Variants in DLGAP1 observed in about 807,000 individuals in gnomAD.
The protein encoded by DLGAP1 is disks large-associated protein 1.
Under a neutral mutation model 90.8 loss-of-function variants are expected in DLGAP1, and 11 were observed. That is an observed-to-expected ratio of 0.12 (90% CI 0.08 to 0.20). DLGAP1 has a LOEUF of 0.20. DLGAP1 is among the 10% of genes least tolerant of loss of function. The pLI is 1.00. For synonymous variants in DLGAP1, 558 were observed against 540.7 expected, an observed-to-expected ratio of 1.03 and a Z score of -0.44; for missense variants, 1,050 against 1,333.8, an observed-to-expected ratio of 0.79 and a Z score of 3.31.
chr18:3,805,382 T>C (rs917271386), intron 5 of DLGAP1, among the ~76,000 whole-genome samples: 1 of 152,208 alleles, frequency 6.6e-6, no homozygotes, highest in Non-Finnish European at 1.5e-5. Context: ...GATTCAGAGA[T>C]AATTTTTTAG....
chr18:3,628,739 C>T (rs776659843), intron 7 of DLGAP1, among the ~76,000 whole-genome samples: 9 of 152,166 alleles, frequency 5.9e-5, no homozygotes, highest in Non-Finnish European at 1.2e-4. Flanking sequence ...AAGCTTACTA[C>T]ATATATGTAT....
intron 1 of DLGAP1, among the ~76,000 whole-genome samples, chr18:4,229,833 GAACA>G (rs766480005): frequency 1.6e-4 from 25 of 151,958 alleles, no homozygotes; most frequent in Non-Finnish European, 3.4e-4. Flanking sequence ...ACAGCAAAGG[GAACA>G]ATCAACAAAG....
At chr18:3,600,735 T>G (rs1453753256) in intron 7 of DLGAP1, among the ~76,000 whole-genome samples, 4 of 55,172 alleles carry the variant, frequency 7.3e-5, no homozygotes, top group Non-Finnish European at 9.4e-5. Flanking sequence ...TATAGATATA[T>G]ATAGATATAT....
At chr18:3,742,653 C>T (rs1353912668) in intron 5 of DLGAP1, 141 bp from the exon 6 acceptor site, 6 of 953,272 alleles carry the variant, frequency 6.3e-6, no homozygotes, top group East Asian at 2.6e-5. Flanking sequence ...TACTAAACTC[C>T]CCCACAGTGT....
chr18:3,720,980 C>G (rs937254935), intron 7 of DLGAP1, among the ~76,000 whole-genome samples: 5 of 149,616 alleles, frequency 3.3e-5, no homozygotes, highest in African/African-American at 1.2e-4. Context: ...TGCTCGAGCA[C>G]AGGATGTTGA....
At chr18:4,009,227 C>CT (rs2074369449) in intron 2 of DLGAP1, among the ~76,000 whole-genome samples, 1 of 152,152 alleles carries the variant, frequency 6.6e-6, no homozygotes, top group Non-Finnish European at 1.5e-5. Context: ...TTAGACTCCA[C>CT]TTGCGCTCCA....
At chr18:3,853,510 T>C (rs2069459262) in intron 4 of DLGAP1, among the ~76,000 whole-genome samples, 1 of 151,838 alleles carries the variant, frequency 6.6e-6, no homozygotes, top group African/African-American at 2.4e-5. Flanking sequence ...GATTCTGTGA[T>C]CTAGGAGCAA....
chr18:4,012,255 G>A (rs994937148), intron 2 of DLGAP1, among the ~76,000 whole-genome samples: 1 of 151,948 alleles, frequency 6.6e-6, no homozygotes, highest in Non-Finnish European at 1.5e-5. Context: ...CTTGTTATAC[G>A]CCTGTCTACG....
intron 10 of DLGAP1, among the ~76,000 whole-genome samples, chr18:3,514,611 A>C (rs1416081807): frequency 6.6e-6 from 1 of 152,244 alleles, no homozygotes; most frequent in Non-Finnish European, 1.5e-5. Context: ...AGACCACTAC[A>C]ATAAATGAAT....
Position 3,775,848 on chromosome 18 carries a change from C to G in DLGAP1, c.1173-33336G>C, listed in dbSNP as rs116208444. ...GAGGCTTGCTACCTTCTTTCCCCTT[C>G]CCAGAGATAAACAACCCTGGCTTCT... On this transcript the variant is annotated intron_variant, in intron 5 of 12. Transcript: ENST00000315677. The surrounding 1 kb of genome is among the most constrained non-coding windows in gnomAD (Gnocchi z 4.9). Among the ~76,000 whole-genome samples the G allele has an allele frequency of 4.6e-5, 7 of 152,284 alleles. No individual in the cohort carries two copies. Among genetic ancestry groups the G allele is most frequent in the African/African-American group, 1.7e-4 (7 of 41,556 alleles).
At position 4,148,205 on chromosome 18, in the gene DLGAP1, G is replaced by A. The variant is rs142572800; in HGVS notation, c.-159+2975C>T. ...ATAAGCTTGCTCTAGACCAATCTGT[G>A]TTTGAAAACCACAAAGCCTTAAAAT... On this transcript the variant is annotated intron_variant, in intron 2 of 12. Coordinates refer to ENST00000315677, the MANE Select transcript of DLGAP1 (RefSeq NM_004746.4). 2.6e-5 allele frequency among the ~76,000 whole-genome samples: 4 copies of A among 152,136 alleles called. No individual in the cohort carries two copies. The East Asian group carries it at 7.7e-4, about 29-fold the overall frequency.
intron 1 of DLGAP1, among the ~76,000 whole-genome samples, chr18:4,368,636 TACACA>T (rs2081835281): frequency 7.4e-6 from 1 of 134,932 alleles, no homozygotes. Flanking sequence ...CTCTCTCTCA[TACACA>T]CACACACACA....
chr18:3,592,189 T>C (rs1050932886), intron 7 of DLGAP1, among the ~76,000 whole-genome samples: 1 of 152,110 alleles, frequency 6.6e-6, no homozygotes, highest in African/African-American at 2.4e-5. Context: ...CTGGTAGCAA[T>C]GATGAATGTT....
chr18:4,022,955 G>C (rs1172864928), intron 2 of DLGAP1, among the ~76,000 whole-genome samples: 1 of 133,970 alleles, frequency 7.5e-6, no homozygotes, highest in Non-Finnish European at 1.6e-5. Context: ...TGGATTGTTG[G>C]GTGTATCCAC....
chr18:3,927,699 TAG>T (rs775069656), intron 3 of DLGAP1, among the ~76,000 whole-genome samples: 16 of 152,230 alleles, frequency 1.1e-4, no homozygotes, highest in Non-Finnish European at 2.2e-4. Context: ...TTTATATTCA[TAG>T]AGTCTTTAAA....
At chr18:3,536,645 T>C (rs560896536) in intron 9 of DLGAP1, among the ~76,000 whole-genome samples, 1 of 152,378 alleles carries the variant, frequency 6.6e-6, no homozygotes, top group African/African-American at 2.4e-5. Flanking sequence ...TATAGTTCTC[T>C]ATTAGGGTTC....
intron 3 of DLGAP1, among the ~76,000 whole-genome samples, chr18:3,947,497 G>T (rs1366875570): frequency 1.1e-4 from 16 of 152,028 alleles, no homozygotes; most frequent in Admixed American, 9.2e-4. Flanking sequence ...CTGCACTCTG[G>T]GCATCAACCA....
intron 1 of DLGAP1, among the ~76,000 whole-genome samples, chr18:4,407,504 T>C (rs1291174112): frequency 1.3e-5 from 2 of 152,196 alleles, no homozygotes; most frequent in Middle Eastern, 3.2e-3. Context: ...CAACAGAACC[T>C]AGCATTGGCA....
intron 7 of DLGAP1, among the ~76,000 whole-genome samples, chr18:3,725,928 A>T (rs975785271): frequency 6.6e-6 from 1 of 152,168 alleles, no homozygotes; most frequent in Non-Finnish European, 1.5e-5. Context: ...ATTTCATTTT[A>T]TGAATACGAA....
Sources: allele counts gnomAD v4.1 joint callset (sites outside exome capture counted in the v4.1 genomes callset), GRCh38; gene constraint gnomAD v4.1.1; non-coding constraint Gnocchi (gnomAD v3.1); transcripts MANE v1.5; gene names NCBI Gene and HGNC (gene_info 2026-07-23, HGNC 2026-07-21).